Variants in GPR137 observed in about 807,000 individuals in gnomAD.
The protein encoded by GPR137 is integral membrane protein GPR137.
A neutral mutation model predicts 38.9 loss-of-function variants in GPR137; 20 were observed. That is an observed-to-expected ratio of 0.51 (90% CI 0.36 to 0.75). The LOEUF (loss-of-function observed/expected upper bound fraction) is 0.75. Among genes scored for constraint, GPR137 ranks in the 30% least tolerant of loss-of-function variants. The pLI, the probability that GPR137 is intolerant of heterozygous loss-of-function variation, is 0.00. For missense variants in GPR137, 456 were observed against 526.4 expected, an observed-to-expected ratio of 0.87 and a Z score of 1.31; for synonymous variants, 226 against 235.8, an observed-to-expected ratio of 0.96 and a Z score of 0.38.
rs749890377 is a variant in GPR137, at chr11:64,287,670, G to A, written c.408-51G>A. On this transcript the variant is annotated intron_variant, in intron 2 of 6. Coordinates refer to ENST00000438980, the MANE Select transcript of GPR137 (RefSeq NM_001170880.2). ...TTTCCTGCAGGAGGTGGGGCAGGTG[G>A]TGAGTGCTGAGGGCTGTTGAGGGCC... 1.9e-6 allele frequency: 3 copies of A among 1,593,134 alleles called. No individual in the cohort carries two copies. The East Asian group carries it at 6.7e-5, about 36-fold the overall frequency.
chr11:64,284,856 C>A (rs543422577), upstream of GPR137: 55 of 1,495,760 alleles, frequency 3.7e-5, no homozygotes, highest in African/African-American at 5.8e-4. Flanking sequence ...CCTCCTTCGG[C>A]CCCGGGGCTC....
upstream of GPR137, among the ~76,000 whole-genome samples, chr11:64,274,223 C>T (rs946943193): frequency 6.7e-6 from 1 of 150,120 alleles, no homozygotes; most frequent in African/African-American, 2.5e-5. Context: ...CCCATCTGTA[C>T]TAAAAGTACA....
upstream of GPR137, among the ~76,000 whole-genome samples, chr11:64,273,093 A>G (rs2135099074): frequency 6.6e-6 from 1 of 151,868 alleles, no homozygotes; most frequent in Admixed American, 6.5e-5. Context: ...AGAAGGCCAG[A>G]CGTGGTGGCT....
chr11:64,286,092 G>A lies in GPR137; in HGVS notation c.-433G>A. 4 of 997,080 alleles carry A rather than the reference G, an allele frequency of 4.0e-6. No homozygotes were observed. Among genetic ancestry groups the A allele is most frequent in the Non-Finnish European group, 4.8e-6 (4 of 838,050 alleles). 61.8% of individuals were successfully genotyped at this position (997,080 alleles called of 1,614,324 possible). The stretch of plus-strand genomic sequence containing the variant: ...CCAGCTTGGGGAGGGGGAGAGCGGG[G>A]CATTGGGCGCCCCTCGCAGCGGCCG... On this transcript the variant is annotated 5_prime_UTR_variant, in exon 1 of 7. Coordinates refer to ENST00000438980, the MANE Select transcript of GPR137 (RefSeq NM_001170880.2).
At chr11:64,283,645 G>A (rs1392918228), upstream of GPR137, among the ~76,000 whole-genome samples, 1 of 152,220 alleles carries the variant, frequency 6.6e-6, no homozygotes, top group African/African-American at 2.4e-5. Flanking sequence ...AAAGCATGTA[G>A]CCTGGGGCAG....
rs1202616969 is a variant in GPR137 at position 64,286,201 on chromosome 11, T to G, written c.-324T>G. 3.8e-5 allele frequency: 43 copies of G among 1,134,920 alleles called. No individual in the cohort carries two copies. The highest frequency in any genetic ancestry group is 4.7e-5 in the Non-Finnish European group (43 of 923,870). The allele number at this position is 1,134,920 out of a possible 1,614,324, so 70.3% of individuals were successfully genotyped here. ...GACCGAGGCCAGGGAGTCCTCTCCT[T>G]GGGCCTCTGCATCCCCCCATCCTTG... On this transcript the variant is annotated 5_prime_UTR_variant, in exon 1 of 7. Coordinates refer to ENST00000438980, the MANE Select transcript of GPR137 (RefSeq NM_001170880.2).
rs944627547 is a variant in GPR137 at position 64,278,634 on chromosome 11, C to T, written c.-16+2213C>T. ...CAACCTGCTAGGAAGGGTAGAGCCA[C>T]GTTTGAACCCTGCAGTCTGGCCCAG... On this transcript the variant is annotated intron_variant, in intron 2 of 2. Transcript: ENST00000538244. 5.9e-5 allele frequency among the ~76,000 whole-genome samples: 9 copies of T among 152,264 alleles called. No homozygotes were observed. In the South Asian group the frequency reaches 1.2e-3, roughly 21 times the overall value.
intron 2 of GPR137, chr11:64,287,336 C>T: frequency 5.1e-6 from 5 of 981,378 alleles, no homozygotes; most frequent in South Asian, 4.7e-5. Context: ...CCGCAATGCC[C>T]TCGTCATTTG....
chr11:64,277,957 C>T (rs911809712), intron 2 of GPR137, among the ~76,000 whole-genome samples: 5 of 152,088 alleles, frequency 3.3e-5, no homozygotes, highest in Admixed American at 2.0e-4. Context: ...AGAATGTTCA[C>T]GTTACAAAAT....
At chr11:64,284,646 G>T, upstream of GPR137, 1 of 1,531,320 alleles carries the variant, frequency 6.5e-7, no homozygotes, top group Non-Finnish European at 8.7e-7. Flanking sequence ...GCCCGATCTC[G>T]AGGCCCCTGA....
chr11:64,280,337 AT>A (rs1452555778), upstream of GPR137, among the ~76,000 whole-genome samples: 3 of 134,456 alleles, frequency 2.2e-5, no homozygotes, highest in Non-Finnish European at 4.7e-5. Flanking sequence ...AAATAAAATA[AT>A]AATAATAATA....
chr11:64,285,449 TCAGGCCCGGGGGC>T, upstream of GPR137: 3 of 983,706 alleles, frequency 3.0e-6, no homozygotes, highest in Non-Finnish European at 3.6e-6. Flanking sequence ...CTCCGCGGGT[TCAGGCCCGGGGGC>T]GGGGCCCGGG....
At chr11:64,273,166 C>T (rs1209794147), upstream of GPR137, among the ~76,000 whole-genome samples, 1 of 151,642 alleles carries the variant, frequency 6.6e-6, no homozygotes, top group Admixed American at 6.6e-5. Context: ...GTCAGAAGTT[C>T]GAGACCAGCC....
At chr11:64,284,438 C>T, upstream of GPR137, 1 of 1,605,014 alleles carries the variant, frequency 6.2e-7, no homozygotes, top group Non-Finnish European at 8.5e-7. Context: ...CCCTGGAAGG[C>T]AGAGGCAGGT....
In GPR137 at chr11:64,278,848, C is replaced by G. The variant is rs570449798; in HGVS notation, c.-16+2427C>G. On this transcript the variant is annotated intron_variant, in intron 2 of 2. Transcript: ENST00000538244. ...CGAACCAAGTGTGAGTTGCTCTGCG[C>G]AGGTAGAGAGGGCAGAGGCCCCGTG... is the stretch of plus-strand genomic sequence containing the variant. Among the ~76,000 whole-genome samples, 18 of 152,310 alleles carry G rather than the reference C, an allele frequency of 1.2e-4. 1 individual carries two copies. The South Asian group carries it at 3.7e-3, about 32-fold the overall frequency.
upstream of GPR137, chr11:64,285,552 G>T: frequency 2.0e-6 from 2 of 984,068 alleles, no homozygotes; most frequent in Non-Finnish European, 2.4e-6. Context: ...CGGGCGGCAC[G>T]ACCCCGATTT....
At position 64,289,202 on chromosome 11, in the gene GPR137, CT is replaced by C. The variant is rs775817851; in HGVS notation, c.*7del. 2.5e-6 allele frequency: 4 copies of C among 1,611,606 alleles called. No individual in the cohort carries two copies. The highest frequency in any genetic ancestry group is 2.2e-5 in the East Asian group (1 of 44,876). On this transcript the variant is annotated 3_prime_UTR_variant, in exon 7 of 7. Transcript: ENST00000438980. ...ACTCCACCCCACAGACGTGATCCCC[CT>C]CCCTCCCCCACAGAATACCCAGGCC... is the stretch of plus-strand genomic sequence containing the variant.
In GPR137 at chr11:64,285,898, C is replaced by T. The variant is rs1266850215; in HGVS notation, c.-627C>T. 13 of 972,344 alleles carry T rather than the reference C, an allele frequency of 1.3e-5. No homozygotes were observed. In the South Asian group the frequency reaches 2.9e-4, roughly 21 times the overall value. 60.2% of individuals were successfully genotyped at this position (972,344 alleles called of 1,614,324 possible). A position where few individuals can be genotyped will look rare whatever the true frequency, so the allele number is the denominator to read the frequency against. On this transcript the variant is annotated 5_prime_UTR_variant, in exon 1 of 7. Transcript: ENST00000438980. ...AGCCCCGGGTCCCCACGACCTGAGC[C>T]GGCTCTCCCATCAGCGGCCTGAGGA...
chr11:64,279,411 G>C (rs931589124), upstream of GPR137, among the ~76,000 whole-genome samples: 5 of 152,104 alleles, frequency 3.3e-5, no homozygotes, highest in African/African-American at 1.2e-4. Context: ...CTCTGGTTCA[G>C]ACTCCAAGTC....
Sources: allele counts gnomAD v4.1 joint callset (sites outside exome capture counted in the v4.1 genomes callset), GRCh38; gene constraint gnomAD v4.1.1; transcripts MANE v1.5; gene names NCBI Gene and HGNC (gene_info 2026-07-23, HGNC 2026-07-21).